MGMT: variants seen among roughly 807,000 people sequenced by gnomAD.
MGMT encodes O-6-methylguanine-DNA methyltransferase, also known as methylated-DNA--protein-cysteine methyltransferase.
Under a neutral mutation model 15.9 loss-of-function variants are expected in MGMT, and 14 were observed. That is an observed-to-expected ratio of 0.88 (90% CI 0.58 to 1.37). MGMT has a LOEUF of 1.37. MGMT is among the 40% of genes most tolerant of loss of function. The pLI is 0.00. For synonymous variants in MGMT, 130 were observed against 118.2 expected, an observed-to-expected ratio of 1.10 and a Z score of -0.65; for missense variants, 282 against 268.1, an observed-to-expected ratio of 1.05 and a Z score of -0.36.
At chr10:129,664,835 G>A (rs539189504) in intron 2 of MGMT, among the ~76,000 whole-genome samples, 11 of 152,256 alleles carry the variant, frequency 7.2e-5, no homozygotes, top group South Asian at 2.1e-4. Context: ...TGGAAGATAA[G>A]CATATGAAAA....
intron 2 of MGMT, among the ~76,000 whole-genome samples, chr10:129,677,115 A>G (rs1847794754): frequency 6.6e-6 from 1 of 152,064 alleles, no homozygotes; most frequent in Non-Finnish European, 1.5e-5. Context: ...GCCAAGGGAA[A>G]TGACAGGCCC....
At chr10:129,646,748 A>ATTTTTTTTTTTT in intron 2 of MGMT, among the ~76,000 whole-genome samples, 1 of 63,644 alleles carries the variant, frequency 1.6e-5, no homozygotes, top group Non-Finnish European at 3.5e-5. Context: ...ATATATATAT[A>ATTTTTTTTTTTT]TATATATTTT....
At chr10:129,626,505 C>T (rs1435926404) in intron 2 of MGMT, among the ~76,000 whole-genome samples, 1 of 152,148 alleles carries the variant, frequency 6.6e-6, no homozygotes, top group African/African-American at 2.4e-5. Context: ...CCAGCCCGAG[C>T]CCCGCGGCAT....
chr10:129,644,534 C>T (rs1847364056), intron 2 of MGMT, among the ~76,000 whole-genome samples: 1 of 151,932 alleles, frequency 6.6e-6, no homozygotes, highest in Non-Finnish European at 1.5e-5. Flanking sequence ...GCCCCATGAG[C>T]CCATCCAGAG....
chr10:129,623,905 A>G (rs967192791), intron 2 of MGMT, among the ~76,000 whole-genome samples: 7 of 152,194 alleles, frequency 4.6e-5, no homozygotes, highest in Non-Finnish European at 8.8e-5. Flanking sequence ...TCAAGAAACA[A>G]CTTGAACGCA....
intron 1 of MGMT, among the ~76,000 whole-genome samples, chr10:129,467,607 AC>A (rs1335844327): frequency 6.6e-6 from 1 of 151,934 alleles, no homozygotes; most frequent in Non-Finnish European, 1.5e-5. Flanking sequence ...GGTTCTTCCT[AC>A]CCTTCCATGC....
At chr10:129,753,968 T>C (rs1848777728) in intron 3 of MGMT, among the ~76,000 whole-genome samples, 3 of 152,230 alleles carry the variant, frequency 2.0e-5, no homozygotes, top group African/African-American at 4.8e-5. Flanking sequence ...AGTTAGTTCA[T>C]AAGTTCTGAC....
rs764416910 is a variant in MGMT, at chr10:129,599,373, G to A, written c.125+62996G>A. 1.1e-4 allele frequency among the ~76,000 whole-genome samples: 17 copies of A among 152,202 alleles called. No homozygotes were observed. The South Asian group carries it at 1.2e-3, about 11-fold the overall frequency. ...AAGCTTGATTCAACAGGTTGCTCTC[G>A]TCACTAGGAAGTAGTCATGTACAAA... On this transcript the variant is annotated intron_variant, in intron 2 of 4. Coordinates refer to ENST00000651593, the MANE Select transcript of MGMT (RefSeq NM_002412.5).
At chr10:129,522,170 A>G (rs185402408) in intron 1 of MGMT, among the ~76,000 whole-genome samples, 232 of 152,332 alleles carry the variant, frequency 1.5e-3, no homozygotes, top group Non-Finnish European at 1.8e-3. Flanking sequence ...GGTCACCGGA[A>G]ATAGCTCCTC....
At chr10:129,507,547 G>GC (rs1314121272) in intron 1 of MGMT, among the ~76,000 whole-genome samples, 1 of 152,158 alleles carries the variant, frequency 6.6e-6, no homozygotes, top group Non-Finnish European at 1.5e-5. Context: ...GGACAGGGGT[G>GC]CCCCAGGAGT....
chr10:129,540,757 T>C (rs1460580013), intron 2 of MGMT, among the ~76,000 whole-genome samples: 2 of 152,276 alleles, frequency 1.3e-5, no homozygotes, highest in Admixed American at 6.5e-5. Flanking sequence ...GTTGGATTGA[T>C]ATTACTTTAT....
chr10:129,757,074 T>A (rs1368618019), intron 3 of MGMT, among the ~76,000 whole-genome samples: 1 of 152,236 alleles, frequency 6.6e-6, no homozygotes. Context: ...AGTTTTCAGA[T>A]ACATTTGTAA....
intron 1 of MGMT, among the ~76,000 whole-genome samples, chr10:129,476,076 G>C (rs1845290794): frequency 6.6e-6 from 1 of 152,224 alleles, no homozygotes; most frequent in Non-Finnish European, 1.5e-5. Flanking sequence ...GGACATCACT[G>C]CTGTCACTTT....
At chr10:129,723,287 C>T (rs907685126) in intron 3 of MGMT, among the ~76,000 whole-genome samples, 1 of 152,104 alleles carries the variant, frequency 6.6e-6, no homozygotes, top group Non-Finnish European at 1.5e-5. Flanking sequence ...AACCATTCCC[C>T]CTGAGTCCCC....
At chr10:129,473,585 G>A (rs1046983971) in intron 1 of MGMT, among the ~76,000 whole-genome samples, 1 of 152,220 alleles carries the variant, frequency 6.6e-6, no homozygotes, top group Non-Finnish European at 1.5e-5. Flanking sequence ...ATAACCACTT[G>A]TGCCAGGCTG....
chr10:129,750,812 C>T (rs1472978287), intron 3 of MGMT, among the ~76,000 whole-genome samples: 1 of 152,050 alleles, frequency 6.6e-6, no homozygotes, highest in African/African-American at 2.4e-5. Flanking sequence ...TGTGTCTGTT[C>T]TTTTACCAAT....
chr10:129,603,918 A>G (rs1032926272), intron 2 of MGMT, among the ~76,000 whole-genome samples: 3 of 152,236 alleles, frequency 2.0e-5, no homozygotes, highest in African/African-American at 7.2e-5. Flanking sequence ...GCCCTCTTGC[A>G]GGTTCTCACC....
intron 2 of MGMT, among the ~76,000 whole-genome samples, chr10:129,649,125 G>A (rs1381490184): frequency 6.6e-6 from 1 of 152,112 alleles, no homozygotes; most frequent in African/African-American, 2.4e-5. Flanking sequence ...GTCCAGAAGC[G>A]TAAATCACAG....
At position 129,770,415 on chromosome 10, in the gene MGMT, G is replaced by A. The variant is rs918817468; in HGVS notation, c.*3418G>A. On this transcript the variant is annotated 3_prime_UTR_variant, in exon 5 of 5. Transcript: ENST00000651593. ...ATCCTCCTCACAGAAATGCATTTAC[G>A]GATGTTGCTGTATCCCCTGACCTGG... Among the ~76,000 whole-genome samples, 7 of 152,184 alleles carry A rather than the reference G, an allele frequency of 4.6e-5. No individual in the cohort carries two copies. The highest frequency in any genetic ancestry group is 2.6e-4 in the Admixed American group (4 of 15,280).
Sources: allele counts gnomAD v4.1 joint callset (sites outside exome capture counted in the v4.1 genomes callset), GRCh38; gene constraint gnomAD v4.1.1; transcripts MANE v1.5; gene names NCBI Gene and HGNC (gene_info 2026-07-23, HGNC 2026-07-21).